EML6: variants seen among roughly 807,000 people sequenced by gnomAD.
EML6 encodes the protein EMAP like 6, also known as echinoderm microtubule-associated protein-like 6.
Under a neutral mutation model 240.1 loss-of-function variants are expected in EML6, and 154 were observed. The observed-to-expected ratio is 0.64, with a 90% CI of 0.56 to 0.73. EML6 has a LOEUF of 0.73. Ranked by LOEUF, EML6 falls within the 30% of genes least tolerant of loss-of-function variation. The pLI, the probability that EML6 is intolerant of heterozygous loss-of-function variation, is 0.00. For missense variants in EML6, 2,964 were observed against 2,474.6 expected, an observed-to-expected ratio of 1.20 and a Z score of -4.20; for synonymous variants, 1,148 against 899.0, an observed-to-expected ratio of 1.28 and a Z score of -4.95.
chr2:54,780,482 TG>T (rs1291982324), intron 2 of EML6, among the ~76,000 whole-genome samples: 2 of 152,194 alleles, frequency 1.3e-5, no homozygotes. Context: ...AGGGCTGTAC[TG>T]GAGTGAGTGG....
At chr2:54,961,086 A>T (rs1248184894) in intron 35 of EML6, among the ~76,000 whole-genome samples, 1 of 150,616 alleles carries the variant, frequency 6.6e-6, no homozygotes, top group East Asian at 2.0e-4. Flanking sequence ...AAAACTGGGG[A>T]TTTTGTTCTT....
At chr2:54,881,498 T>A (rs957471303) in intron 17 of EML6, 1 of 151,582 alleles carries the variant, frequency 6.6e-6, no homozygotes, top group Non-Finnish European at 1.5e-5. Flanking sequence ...TTACTAAAAA[T>A]ATAAAAATTA....
At chr2:54,919,671 G>A (rs1674118874) in intron 26 of EML6, among the ~76,000 whole-genome samples, 1 of 152,198 alleles carries the variant, frequency 6.6e-6, no homozygotes, top group African/African-American at 2.4e-5. Context: ...CAAAAAGTTA[G>A]TGATACCCTG....
rs58185994 is a variant in EML6 at position 54,806,612 on chromosome 2, C to CAAAA, written c.198-6591_198-6588dup. Reference sequence around the variant, plus strand: ...TGGGCAACAAGAGTGACTCCGTCTCCAAAAAAAAAAAAAAAAAAAAAAAAA... The same window carrying CAAAA: ...TGGGCAACAAGAGTGACTCCGTCTCCAAAAAAAAAAAAAAAAAAAAAAAAAAAAA... On this transcript the variant is annotated intron_variant, in intron 2 of 41. Coordinates refer to ENST00000356458, the MANE Select transcript of EML6 (RefSeq NM_001039753.4). 4.7e-3 allele frequency among the ~76,000 whole-genome samples: 247 copies of CAAAA among 52,872 alleles called. 2 individuals are homozygous for CAAAA. The highest frequency in any genetic ancestry group is 6.0e-3 in the Non-Finnish European group (177 of 29,662). The allele number at this position is 52,872 out of a possible 152,430, so 34.7% of individuals were successfully genotyped here.
At chr2:54,961,608 G>A (rs1676519270) in intron 35 of EML6, among the ~76,000 whole-genome samples, 1 of 152,122 alleles carries the variant, frequency 6.6e-6, no homozygotes, top group Non-Finnish European at 1.5e-5. Flanking sequence ...GCTGGGTGAT[G>A]GAGGAGTCTG....
intron 2 of EML6, among the ~76,000 whole-genome samples, chr2:54,737,723 C>G (rs1008065307): frequency 6.6e-6 from 1 of 152,178 alleles, no homozygotes; most frequent in Admixed American, 6.5e-5. Flanking sequence ...TAATTGCAGT[C>G]TTTGCTGTAT....
At chr2:54,850,418 G>C in intron 10 of EML6, 200 bp downstream of exon 10, 1 of 556,648 alleles carries the variant, frequency 1.8e-6, no homozygotes. Context: ...GGAAAGGTAT[G>C]AGTTGGAACA....
At chr2:54,957,278 T>TA (rs1354914262) in intron 32 of EML6, among the ~76,000 whole-genome samples, 5 of 100,598 alleles carry the variant, frequency 5.0e-5, no homozygotes, top group African/African-American at 1.2e-4. Context: ...ACTTAAAAGG[T>TA]AAAAAAATTT....
chr2:54,894,224 G>A (rs920271444), intron 19 of EML6, among the ~76,000 whole-genome samples: 8 of 149,732 alleles, frequency 5.3e-5, no homozygotes, highest in African/African-American at 2.0e-4. Context: ...AAACCTCTAA[G>A]AACAGTTGGT....
At chr2:54,728,110 C>T (rs2104365538) in intron 2 of EML6, among the ~76,000 whole-genome samples, 1 of 152,216 alleles carries the variant, frequency 6.6e-6, no homozygotes, top group East Asian at 1.9e-4. Context: ...AAGATGATGC[C>T]ATATTTTAGA....
intron 28 of EML6, among the ~76,000 whole-genome samples, chr2:54,939,261 A>G (rs1240399212): frequency 6.6e-6 from 1 of 152,204 alleles, no homozygotes; most frequent in Non-Finnish European, 1.5e-5. Context: ...AGCATTCTCC[A>G]TCTGGCTTCT....
chr2:54,760,039 A>G (rs1667911636), intron 2 of EML6, among the ~76,000 whole-genome samples: 1 of 151,866 alleles, frequency 6.6e-6, no homozygotes, highest in Admixed American at 6.6e-5. Context: ...CTGATGCATT[A>G]AGAATGTTAG....
At chr2:54,801,593 A>G (rs985828443) in intron 2 of EML6, among the ~76,000 whole-genome samples, 1 of 152,204 alleles carries the variant, frequency 6.6e-6, no homozygotes, top group African/African-American at 2.4e-5. Flanking sequence ...CCGTTTCCCC[A>G]TGAAACCATT....
chr2:54,784,548 C>A (rs556298751), intron 2 of EML6, among the ~76,000 whole-genome samples: 103 of 152,266 alleles, frequency 6.8e-4, no homozygotes, highest in Middle Eastern at 3.4e-3. Context: ...GCTACCCCCA[C>A]CCCCTTGCGG....
intron 2 of EML6, among the ~76,000 whole-genome samples, chr2:54,739,914 T>A (rs1238497335): frequency 6.6e-6 from 1 of 152,226 alleles, no homozygotes; most frequent in Non-Finnish European, 1.5e-5. Flanking sequence ...CTGGAGACTC[T>A]TGATTCCTGG....
chr2:54,800,957 A>G (rs1670104552), intron 2 of EML6, among the ~76,000 whole-genome samples: 1 of 152,098 alleles, frequency 6.6e-6, no homozygotes, highest in African/African-American at 2.4e-5. Context: ...AGCTAGAATA[A>G]AGTTACCCTT....
chr2:54,789,487 C>T (rs1382292987), intron 2 of EML6, among the ~76,000 whole-genome samples: 1 of 120,696 alleles, frequency 8.3e-6, no homozygotes, highest in Non-Finnish European at 1.6e-5. Context: ...GCACTCCCGC[C>T]TGGGCCACAG....
chr2:54,807,741 T>A (rs1451108657), intron 2 of EML6, among the ~76,000 whole-genome samples: 1 of 152,222 alleles, frequency 6.6e-6, no homozygotes, highest in Admixed American at 6.5e-5. Context: ...CCTTTGCTTT[T>A]AATATAATTT....
intron 11 of EML6, among the ~76,000 whole-genome samples, chr2:54,858,480 C>T (rs1670505082): frequency 2.6e-5 from 4 of 152,136 alleles, no homozygotes; most frequent in Non-Finnish European, 5.9e-5. Flanking sequence ...TACCCTGCTC[C>T]CCAATTACTC....
Sources: gnomAD v4.1 joint callset for allele counts (sites outside exome capture counted in the v4.1 genomes callset) on GRCh38, gnomAD v4.1.1 for gene constraint, MANE v1.5 for transcripts, NCBI Gene and HGNC (gene_info 2026-07-23, HGNC 2026-07-21) for gene names.